MCOLN2: variants seen among roughly 807,000 people sequenced by gnomAD.
MCOLN2 encodes mucolipin TRP cation channel 2.
A neutral mutation model predicts 67.5 loss-of-function variants in MCOLN2; 57 were observed. The observed-to-expected ratio is 0.84, with a 90% CI of 0.68 to 1.05. MCOLN2 has a LOEUF of 1.05. MCOLN2 is among the 50% of genes least tolerant of loss of function. The pLI, the probability that MCOLN2 is intolerant of heterozygous loss-of-function variation, is 0.00. For missense variants in MCOLN2, 620 were observed against 678.8 expected, an observed-to-expected ratio of 0.91 and a Z score of 0.96; for synonymous variants, 246 against 233.3, an observed-to-expected ratio of 1.05 and a Z score of -0.50.
chr1:84,991,323 G>C (rs569411025), intron 1 of MCOLN2, among the ~76,000 whole-genome samples: 14 of 152,242 alleles, frequency 9.2e-5, no homozygotes, highest in African/African-American at 3.4e-4. Context: ...CAGTTCAACA[G>C]ATAAAATGCT....
In MCOLN2 at chr1:84,965,532, A is replaced by G; in HGVS notation, c.237+17T>C. 6.2e-7 allele frequency: 1 copy of G among 1,607,882 alleles called. No homozygotes were observed. The highest frequency in any genetic ancestry group is 8.5e-7 in the Non-Finnish European group (1 of 1,178,160). ...TGTGGTAAGGGAAAAACCAAATGAAATAATAAGATAGGTTACCTGTGTGGT... is the reference window on the plus strand; with the variant it reads ...TGTGGTAAGGGAAAAACCAAATGAAGTAATAAGATAGGTTACCTGTGTGGT... On this transcript the variant is annotated intron_variant, in intron 2 of 13. Transcript: ENST00000370608.
intron 2 of MCOLN2, among the ~76,000 whole-genome samples, chr1:84,964,447 C>A (rs1461457384): frequency 7.0e-6 from 1 of 143,876 alleles, no homozygotes; most frequent in African/African-American, 2.6e-5. Flanking sequence ...TTAACTACAG[C>A]AATGATCCCC....
intron 2 of MCOLN2, among the ~76,000 whole-genome samples, chr1:84,964,873 G>A (rs933642131): frequency 3.1e-5 from 4 of 130,178 alleles, no homozygotes; most frequent in Admixed American, 2.9e-4. Flanking sequence ...ATGGGGAGCA[G>A]CTAAAAAAAC....
At chr1:84,943,560 G>A (rs1211951414) in intron 7 of MCOLN2, among the ~76,000 whole-genome samples, 1 of 151,938 alleles carries the variant, frequency 6.6e-6, no homozygotes, top group Admixed American at 6.6e-5. Flanking sequence ...CACCTCTGCA[G>A]AGACAGCATT....
intron 7 of MCOLN2, among the ~76,000 whole-genome samples, chr1:84,944,390 G>A (rs774663427): frequency 6.6e-6 from 1 of 151,992 alleles, no homozygotes; most frequent in Admixed American, 6.6e-5. Context: ...AAAAATAGTC[G>A]GGCGTGGTGG....
intron 1 of MCOLN2, among the ~76,000 whole-genome samples, chr1:84,966,028 G>A (rs948095111): frequency 4.6e-5 from 7 of 152,002 alleles, no homozygotes; most frequent in Admixed American, 1.3e-4. Context: ...CGAGGCGGGT[G>A]GATCATTTGA....
At chr1:84,977,507 T>A (rs1043103476) in intron 1 of MCOLN2, among the ~76,000 whole-genome samples, 1 of 151,714 alleles carries the variant, frequency 6.6e-6, no homozygotes, top group Non-Finnish European at 1.5e-5. Flanking sequence ...ACTTCACCTA[T>A]AAAGACACAC....
intron 4 of MCOLN2, among the ~76,000 whole-genome samples, chr1:84,954,720 G>A (rs973293693): frequency 1.3e-5 from 2 of 152,174 alleles, no homozygotes; most frequent in African/African-American, 4.8e-5. Flanking sequence ...AAAGACCCAG[G>A]CTCCATACCC....
At chr1:84,936,844 C>A (rs1371753699) in intron 11 of MCOLN2, among the ~76,000 whole-genome samples, 1 of 152,186 alleles carries the variant, frequency 6.6e-6, no homozygotes, top group African/African-American at 2.4e-5. Flanking sequence ...AACTGGTATA[C>A]AAACTTGGAA....
chr1:84,970,506 C>T (rs1201518609), intron 1 of MCOLN2, among the ~76,000 whole-genome samples: 1 of 145,372 alleles, frequency 6.9e-6, no homozygotes, highest in East Asian at 2.0e-4. Flanking sequence ...CCCATCTCTA[C>T]TAAAAATACA....
At chr1:84,978,068 C>T (rs1256865266) in intron 1 of MCOLN2, among the ~76,000 whole-genome samples, 1 of 151,802 alleles carries the variant, frequency 6.6e-6, no homozygotes, top group East Asian at 1.9e-4. Context: ...AATAAAACTA[C>T]AAATAACAAA....
At position 84,940,910 on chromosome 1, in the gene MCOLN2, C is replaced by G; in HGVS notation, c.929G>C (p.Arg310Thr). 1 of 1,613,332 alleles carries G rather than the reference C, an allele frequency of 6.2e-7. No individual in the cohort carries two copies. The highest frequency in any genetic ancestry group is 1.1e-5 in the South Asian group (1 of 90,972). Residue 310 changes from arginine to threonine, a missense_variant, in exon 8 of 14, where the codon AGA becomes ACA. By Grantham distance (71) the Arg-to-Thr change is moderately conservative (BLOSUM62 -1). Transcript: ENST00000370608. ...TAACCTTAGAGCAAGAACAATGGAT[C>G]TTGTACACAGAATAAGAGATGCCAA... Reference protein sequence around the residue: ...ICLASLILCTRSIVLALRLRK... With the variant: ...ICLASLILCTTSIVLALRLRK...
intron 1 of MCOLN2, among the ~76,000 whole-genome samples, chr1:84,969,717 C>T (rs499579): frequency 0.058 from 8,792 of 152,262 alleles, 874 homozygotes; most frequent in African/African-American, 0.2. Context: ...GCACTTAGTC[C>T]GCGGAGCAAG....
chr1:84,952,530 T>C lies in MCOLN2; in HGVS notation c.566A>G (p.Asp189Gly), dbSNP rs1038571771. ...TLNIDNDVEL[D>G]CVQLDLQDLS... ...GTCCTGAAGGTCTAATTGAACACAATCTAGGGCAATGAAAGAACAAGAAAT... is the reference window on the plus strand; with the variant it reads ...GTCCTGAAGGTCTAATTGAACACAACCTAGGGCAATGAAAGAACAAGAAAT... The change falls in exon 5 of 14, where the codon GAT becomes GGT. Residue 189 changes from aspartate to glycine, a missense_variant and splice_region_variant. Physicochemically the swap from Asp to Gly is moderately conservative, Grantham distance 94. Transcript: ENST00000370608. 1.3e-6 allele frequency: 2 copies of C among 1,599,940 alleles called. No homozygotes were observed. Among genetic ancestry groups the C allele is most frequent in the African/African-American group, 2.7e-5 (2 of 74,602 alleles).
At chr1:84,993,202 T>A (rs897937985) in intron 1 of MCOLN2, among the ~76,000 whole-genome samples, 17 of 152,222 alleles carry the variant, frequency 1.1e-4, no homozygotes, top group African/African-American at 3.9e-4. Context: ...AACAAACAAC[T>A]CCTCATCCAT....
Position 84,952,284 on chromosome 1 carries a change from G to A in MCOLN2, c.706C>T (p.His236Tyr), listed in dbSNP as rs1178579788. The change falls in exon 6 of 14, where the codon CAT (histidine) becomes TAT (tyrosine). Residue 236 changes from histidine (H) to tyrosine (Y), a missense_variant. Coordinates refer to ENST00000370608, the MANE Select transcript of MCOLN2 (RefSeq NM_153259.4). ...HLKGIDLQTI[H>Y]SRELPDCYVF... ...TAACAGTCTGGTAACTCACGGGAAT[G>A]AATTGTCTGTAGGTCAATGCCTTTA... 1 of 1,613,638 alleles carries A rather than the reference G, an allele frequency of 6.2e-7. No individual in the cohort carries two copies. Among genetic ancestry groups the A allele is most frequent in the Admixed American group, 1.7e-5 (1 of 59,964 alleles).
intron 12 of MCOLN2, among the ~76,000 whole-genome samples, chr1:84,930,807 CCAAGGAAGTGAAATTCCTT>C (rs1311892725): frequency 6.6e-6 from 1 of 152,082 alleles, no homozygotes; most frequent in Admixed American, 6.6e-5. Flanking sequence ...GTACCAGCAC[CCAAGGAAGTGAAATTCCTT>C]CAAGCCACAA....
intron 6 of MCOLN2, among the ~76,000 whole-genome samples, chr1:84,950,829 A>C (rs1470628888): frequency 6.6e-6 from 1 of 152,212 alleles, no homozygotes; most frequent in Non-Finnish European, 1.5e-5. Context: ...TATACCTGTA[A>C]GTTATGATTA....
Position 84,987,584 on chromosome 1 carries a change from A to ATATACATCTATG in MCOLN2, c.77+9211_77+9212insCATAGATGTATA, listed in dbSNP as rs1650662128. Among the ~76,000 whole-genome samples the ATATACATCTATG allele has an allele frequency of 1.2e-4, 7 of 58,762 alleles. 1 individual carries two copies. Among genetic ancestry groups the ATATACATCTATG allele is most frequent in the Non-Finnish European group, 1.6e-4 (5 of 31,260 alleles). 38.6% of individuals were successfully genotyped at this position (58,762 alleles called of 152,430 possible). On this transcript the variant is annotated intron_variant, in intron 1 of 13. Coordinates refer to ENST00000370608, the MANE Select transcript of MCOLN2 (RefSeq NM_153259.4). ...TGTATACATAGATGTATACATAGAT[A>ATATACATCTATG]TATACATATGTATATAGATGTATAT...
Sources: gnomAD v4.1 joint callset for allele counts (sites outside exome capture counted in the v4.1 genomes callset) on GRCh38, gnomAD v4.1.1 for gene constraint, MANE v1.5 for transcripts, NCBI Gene and HGNC (gene_info 2026-07-23, HGNC 2026-07-21) for gene names.